The following DCC variants were observed in gnomAD, a reference collection of about 807,000 sequenced individuals.
DCC encodes the protein netrin receptor DCC.
A neutral mutation model predicts 172.5 loss-of-function variants in DCC; 58 were observed. The ratio of observed to expected loss-of-function variants is 0.34; its 90% CI spans 0.27 to 0.42. DCC has a LOEUF of 0.42. DCC is among the 10% of genes least tolerant of loss of function. DCC has a pLI of 1.00. For missense variants in DCC, 1,740 were observed against 1,791.0 expected (o/e 0.97, Z 0.51); for synonymous variants, 709 against 644.5 (o/e 1.10, Z -1.52).
chr18:53,351,297 A>ATATATATATATATATATACACTG (rs1568074439), intron 15 of DCC, among the ~76,000 whole-genome samples: 41 of 26,172 alleles, frequency 1.6e-3, no homozygotes, highest in African/African-American at 3.1e-3. Flanking sequence ...TACAGTATAT[A>ATATATATATATATATATACACTG]TATATATATA....
At chr18:53,002,646 A>C (rs2041583929) in intron 5 of DCC, among the ~76,000 whole-genome samples, 1 of 133,756 alleles carries the variant, frequency 7.5e-6, no homozygotes, top group Admixed American at 7.3e-5. Context: ...AGCACATGCC[A>C]GATATTTATT....
chr18:53,328,329 C>T (rs2057491669), intron 14 of DCC, among the ~76,000 whole-genome samples: 1 of 152,110 alleles, frequency 6.6e-6, no homozygotes, highest in Admixed American at 6.6e-5. Flanking sequence ...GCTCCATTTA[C>T]CCTATATTCT....
At chr18:53,164,986 C>T (rs2144420368) in intron 8 of DCC, among the ~76,000 whole-genome samples, 1 of 152,184 alleles carries the variant, frequency 6.6e-6, no homozygotes, top group East Asian at 1.9e-4. Flanking sequence ...GTTTCTAGTC[C>T]AGTGATCTCT....
intron 2 of DCC, among the ~76,000 whole-genome samples, chr18:52,863,963 AGTAAT>A (rs1190521423): frequency 1.3e-5 from 2 of 152,178 alleles, no homozygotes; most frequent in East Asian, 3.9e-4. Flanking sequence ...AGACTGCTAA[AGTAAT>A]GCAAACTTAA....
chr18:53,156,486 CAAAA>C (rs71175558), intron 7 of DCC, among the ~76,000 whole-genome samples: 1 of 96,830 alleles, frequency 1.0e-5, no homozygotes, highest in Non-Finnish European at 2.3e-5. Context: ...CCATCTCAAC[CAAAA>C]AAAAAAAAAA....
At chr18:52,438,571 AT>A (rs1987870690) in intron 1 of DCC, among the ~76,000 whole-genome samples, 1 of 152,230 alleles carries the variant, frequency 6.6e-6, no homozygotes, top group African/African-American at 2.4e-5. Context: ...TGAAAGTAGA[AT>A]CTTTTAAAAG....
At chr18:52,665,510 G>A (rs962778562) in intron 1 of DCC, among the ~76,000 whole-genome samples, 1 of 152,196 alleles carries the variant, frequency 6.6e-6, no homozygotes, top group African/African-American at 2.4e-5. Context: ...GGTGTGTGGA[G>A]CAGATGTGCT....
At chr18:52,685,714 T>C (rs1285349193) in intron 1 of DCC, among the ~76,000 whole-genome samples, 1 of 152,160 alleles carries the variant, frequency 6.6e-6, no homozygotes, top group African/African-American at 2.4e-5. Flanking sequence ...TTCCTTTCTC[T>C]GTTGTCCACT....
chr18:52,739,759 T>C lies in DCC; in HGVS notation c.92-12295T>C, dbSNP rs533735199. Among the ~76,000 whole-genome samples, 10 of 152,356 alleles carry C rather than the reference T, an allele frequency of 6.6e-5. No homozygotes were observed. In the East Asian group the frequency reaches 1.9e-3, roughly 29 times the overall value. ...GCCGTCGGCACTGGCCCCTGCCTGC[T>C]AGTATGGTGGGTCCAAGGTACTAAC... On this transcript the variant is annotated intron_variant, in intron 1 of 28. Transcript: ENST00000442544.
At chr18:52,374,044 A>C (rs1213026449) in intron 1 of DCC, among the ~76,000 whole-genome samples, 1 of 151,644 alleles carries the variant, frequency 6.6e-6, no homozygotes, top group Non-Finnish European at 1.5e-5. Flanking sequence ...GGCGCCCGCC[A>C]CCACGCCTGG....
At chr18:53,490,744 T>C (rs1040225835) in intron 26 of DCC, among the ~76,000 whole-genome samples, 1 of 152,232 alleles carries the variant, frequency 6.6e-6, no homozygotes, top group Admixed American at 6.5e-5. Flanking sequence ...TGGACAAAAG[T>C]GCTCATCTGA....
intron 1 of DCC, among the ~76,000 whole-genome samples, chr18:52,555,176 T>C (rs984593779): frequency 2.0e-5 from 3 of 152,060 alleles, no homozygotes; most frequent in African/African-American, 7.2e-5. Context: ...ATAATAGGTT[T>C]TGACAAAGAA....
intron 27 of DCC, among the ~76,000 whole-genome samples, chr18:53,516,404 T>A (rs1449862261): frequency 2.1e-5 from 3 of 145,884 alleles, no homozygotes; most frequent in Admixed American, 6.6e-5. Flanking sequence ...GGACTTCATG[T>A]CGAAAACACC....
At chr18:52,844,767 C>T (rs948337504) in intron 2 of DCC, among the ~76,000 whole-genome samples, 1 of 152,020 alleles carries the variant, frequency 6.6e-6, no homozygotes, top group South Asian at 2.1e-4. Flanking sequence ...TATTCATGAC[C>T]AGTCTTGTGA....
chr18:52,829,390 C>A (rs2038570133), intron 2 of DCC, among the ~76,000 whole-genome samples: 1 of 152,118 alleles, frequency 6.6e-6, no homozygotes. Flanking sequence ...TATTATTTAC[C>A]CATCATCTCT....
intron 21 of DCC, among the ~76,000 whole-genome samples, chr18:53,431,597 G>A (rs576908700): frequency 7.2e-4 from 109 of 151,540 alleles, no homozygotes; most frequent in African/African-American, 2.5e-3. Flanking sequence ...AAGCAATTTT[G>A]CCTCCACCTC....
At chr18:53,396,214 AAATGT>A (rs1183185823) in intron 17 of DCC, among the ~76,000 whole-genome samples, 1 of 152,198 alleles carries the variant, frequency 6.6e-6, no homozygotes, top group African/African-American at 2.4e-5. Flanking sequence ...AATAGATAAT[AAATGT>A]AATGTTTTAA....
At chr18:53,121,643 A>G (rs1055380289) in intron 7 of DCC, among the ~76,000 whole-genome samples, 4 of 151,894 alleles carry the variant, frequency 2.6e-5, no homozygotes, top group African/African-American at 9.7e-5. Flanking sequence ...CTCCTTTGTA[A>G]TTTGCATATT....
intron 5 of DCC, among the ~76,000 whole-genome samples, chr18:52,931,289 G>T (rs796620132): frequency 1.3e-5 from 2 of 152,132 alleles, no homozygotes; most frequent in Admixed American, 1.3e-4. Context: ...GATAAGAAAA[G>T]AACTTTATTA....
Sources: allele counts gnomAD v4.1 joint callset (sites outside exome capture counted in the v4.1 genomes callset), GRCh38; gene constraint gnomAD v4.1.1; transcripts MANE v1.5; gene names NCBI Gene and HGNC (gene_info 2026-07-23, HGNC 2026-07-21).